Variants in ANLN observed in about 807,000 individuals in gnomAD.
ANLN encodes the protein anillin.
A neutral mutation model predicts 135.1 loss-of-function variants in ANLN; 59 were observed. The ratio of observed to expected loss-of-function variants is 0.44; its 90% CI spans 0.35 to 0.54. The LOEUF (loss-of-function observed/expected upper bound fraction) is 0.54, where lower values mean the gene tolerates loss of function less well. Ranked by LOEUF, ANLN falls within the 20% of genes least tolerant of loss-of-function variation. ANLN has a pLI of 0.00. For missense variants in ANLN, 1,182 were observed against 1,340.0 expected, an observed-to-expected ratio of 0.88 and a Z score of 1.84; for synonymous variants, 406 against 456.4, an observed-to-expected ratio of 0.89 and a Z score of 1.41.
intron 1 of ANLN, 102 bp from the exon 2 acceptor site, chr7:36,396,164 A>T: frequency 1.0e-6 from 1 of 989,020 alleles, no homozygotes. Flanking sequence ...AAATGTGTTT[A>T]ACTGTCATCC....
At chr7:36,425,293 C>CTTTTTT (rs1221400271) in intron 17 of ANLN, among the ~76,000 whole-genome samples, 1 of 123,616 alleles carries the variant, frequency 8.1e-6, no homozygotes, top group Non-Finnish European at 1.7e-5. Context: ...AGAACTCATT[C>CTTTTTT]TTTTTTTTTT....
intron 22 of ANLN, 57 bp downstream of exon 22, chr7:36,443,919 T>A (rs1303624906): frequency 1.6e-6 from 2 of 1,223,982 alleles, no homozygotes; most frequent in Non-Finnish European, 2.3e-6. Context: ...CGTGTAGTGT[T>A]CATGCAAATG....
At chr7:36,434,176 G>T (rs943088386) in intron 20 of ANLN, among the ~76,000 whole-genome samples, 3 of 152,190 alleles carry the variant, frequency 2.0e-5, no homozygotes, top group Admixed American at 1.3e-4. Context: ...TTAGGGACTG[G>T]TCTCTTATGT....
intron 5 of ANLN, 21 bp downstream of exon 5, chr7:36,407,977 T>C (rs182692482): frequency 1.9e-6 from 3 of 1,567,132 alleles, no homozygotes; most frequent in Non-Finnish European, 2.6e-6. Context: ...TATAAAAAAT[T>C]TAGTTATTGC....
intron 6 of ANLN, 103 bp from the exon 7 acceptor site, chr7:36,410,956 T>A: frequency 1.8e-6 from 2 of 1,127,664 alleles, no homozygotes; most frequent in South Asian, 3.4e-5. Flanking sequence ...CTGTTTAAAC[T>A]TTTTAAACAG....
At chr7:36,407,203 G>T (rs989863381) in intron 4 of ANLN, among the ~76,000 whole-genome samples, 2 of 152,094 alleles carry the variant, frequency 1.3e-5, no homozygotes, top group African/African-American at 4.8e-5. Flanking sequence ...TTTGGCTTTG[G>T]ACAAGGTGCT....
intron 12 of ANLN, among the ~76,000 whole-genome samples, chr7:36,421,496 G>C (rs1365326447): frequency 6.6e-6 from 1 of 152,020 alleles, no homozygotes; most frequent in African/African-American, 2.4e-5. Context: ...GGGATTACGG[G>C]TGTGAGCCAC....
At chr7:36,422,870 T>C (rs1004676016) in intron 14 of ANLN, 61 bp downstream of exon 14, 1 of 1,468,448 alleles carries the variant, frequency 6.8e-7, no homozygotes, top group African/African-American at 1.4e-5. Context: ...GATTGAATTG[T>C]ACAGAATAGA....
At chr7:36,428,548 C>A (rs74845888) in intron 20 of ANLN, among the ~76,000 whole-genome samples, 17,856 of 151,932 alleles carry the variant, frequency 0.12, 1,106 homozygotes, top group South Asian at 0.14. Flanking sequence ...TACTTTAAAA[C>A]CTTCTTTGAA....
intron 5 of ANLN, among the ~76,000 whole-genome samples, chr7:36,409,700 C>T (rs1426061398): frequency 2.6e-5 from 4 of 152,058 alleles, no homozygotes; most frequent in Non-Finnish European, 5.9e-5. Flanking sequence ...GACAGGGTCT[C>T]ACTTTGTCAC....
Position 36,452,544 on chromosome 7 carries a change from G to C in ANLN, c.3319G>C (p.Val1107Leu), listed in dbSNP as rs144473222. 13 of 1,614,056 alleles carry C rather than the reference G, an allele frequency of 8.1e-6. No individual in the cohort carries two copies. The highest frequency in any genetic ancestry group is 1.0e-5 in the Non-Finnish European group (12 of 1,179,934). ...LWMQKLNQVL[V>L]DIRLWQPDAC... ...GATGCAAAAACTCAATCAAGTTCTT[G>C]TTGATATTCGCCTCTGGCAACCTGA... Residue 1107 changes from valine (V) to leucine (L), a missense_variant, in exon 24 of 24, where the codon GTT becomes CTT. Physicochemically the swap from Val to Leu is conservative, Grantham distance 32. Around this residue, in one of 3 missense-constraint regions of ANLN, gnomAD observed 78 missense variants for 72.7 expected, o/e 1.07. Coordinates refer to ENST00000265748, the MANE Select transcript of ANLN (RefSeq NM_018685.5).
Position 36,439,441 on chromosome 7 carries a change from G to A in ANLN, c.2970+151G>A, listed in dbSNP as rs1285162870. ...TCCTTTATATGCCAATCACTGTGCT[G>A]CCATTGGAATGTAAAAGACCACAAA... On this transcript the variant is annotated intron_variant, in intron 21 of 23. Transcript: ENST00000265748. The A allele has an allele frequency of 1.6e-5, 9 of 575,470 alleles. No individual in the cohort carries two copies. In the East Asian group the frequency reaches 2.6e-4, roughly 17 times the overall value. 35.6% of individuals were successfully genotyped at this position (575,470 alleles called of 1,614,324 possible).
At chr7:36,422,047 A>G in intron 13 of ANLN, 55 bp downstream of exon 13, 1 of 1,566,316 alleles carries the variant, frequency 6.4e-7, no homozygotes, top group South Asian at 1.2e-5. Flanking sequence ...GGGAAAACTC[A>G]TTTTGATATT....
chr7:36,419,735 G>A lies in ANLN; in HGVS notation c.1869+256G>A, dbSNP rs578211753. Among the ~76,000 whole-genome samples the A allele has an allele frequency of 2.0e-5, 3 of 152,290 alleles. No homozygotes were observed. In the East Asian group the frequency reaches 5.8e-4, roughly 29 times the overall value. ...CTTTTGACTCTGCCATTTGCTGACT[G>A]TTTATTGGTCAGGTTATTTAAGCTC... is the stretch of plus-strand genomic sequence containing the variant. On this transcript the variant is annotated intron_variant, in intron 10 of 23. Coordinates refer to ENST00000265748, the MANE Select transcript of ANLN (RefSeq NM_018685.5).
At chr7:36,437,570 A>G (rs940070797) in intron 20 of ANLN, among the ~76,000 whole-genome samples, 3 of 152,032 alleles carry the variant, frequency 2.0e-5, no homozygotes, top group South Asian at 2.1e-4. Context: ...GCTGGGTTAT[A>G]TGGTAGTTTT....
At chr7:36,405,497 ATT>A (rs1422269723) in intron 3 of ANLN, among the ~76,000 whole-genome samples, 2 of 152,196 alleles carry the variant, frequency 1.3e-5, no homozygotes, top group African/African-American at 4.8e-5. Context: ...CCTTGATTGA[ATT>A]TGTGGAGTAG....
chr7:36,420,254 G>A lies in ANLN; in HGVS notation c.1955G>A (p.Arg652His), dbSNP rs1298483716. 8 of 1,613,962 alleles carry A rather than the reference G, an allele frequency of 5.0e-6. No individual in the cohort carries two copies. Among genetic ancestry groups the A allele is most frequent in the Middle Eastern group, 3.3e-4 (2 of 6,082 alleles). The change falls in exon 11 of 24, where the codon CGT becomes CAT. Residue 652 changes from arginine (R) to histidine (H), a missense_variant. Coordinates refer to ENST00000265748, the MANE Select transcript of ANLN (RefSeq NM_018685.5). ...SPKPGKFQRT[R>H]VPRAESGDSL... is the part of the protein sequence containing the mutation. ...AAACCAGGAAAATTCCAAAGAACTC[G>A]TGTCCCTCGAGCTGAATCTGGTGAT...
chr7:36,451,777 T>A (rs1789254834), intron 23 of ANLN, among the ~76,000 whole-genome samples: 1 of 152,218 alleles, frequency 6.6e-6, no homozygotes, highest in South Asian at 2.1e-4. Flanking sequence ...ACCTAATGGC[T>A]GGCTGTTCTC....
intron 1 of ANLN, among the ~76,000 whole-genome samples, chr7:36,394,452 C>T (rs918956491): frequency 1.3e-5 from 2 of 152,116 alleles, no homozygotes; most frequent in South Asian, 2.1e-4. Context: ...GGGAAATTAT[C>T]GGACATATAT....
Sources: gnomAD v4.1 joint callset for allele counts (sites outside exome capture counted in the v4.1 genomes callset) on GRCh38, gnomAD v4.1.1 for gene constraint, gnomAD v4.1.1 regional missense constraint, MANE v1.5 for transcripts, NCBI Gene and HGNC (gene_info 2026-07-23, HGNC 2026-07-21) for gene names.